SIN3A: variants seen among roughly 807,000 people sequenced by gnomAD.
SIN3A encodes the protein paired amphipathic helix protein Sin3a.
SIN3A carries 14 observed loss-of-function variants against 146.1 expected under a neutral mutation model. The ratio of observed to expected loss-of-function variants is 0.10; its 90% CI spans 0.06 to 0.15. The LOEUF is 0.15. Ranked by LOEUF, SIN3A falls within the 10% of genes least tolerant of loss-of-function variation. The pLI is 1.00. For missense variants in SIN3A, 1,028 were observed against 1,576.0 expected, an observed-to-expected ratio of 0.65 and a Z score of 5.89; for synonymous variants, 572 against 572.0, an observed-to-expected ratio of 1.00 and a Z score of 0.00.
In SIN3A at chr15:75,430,343, C is replaced by T. The variant is rs746013741; in HGVS notation, c.33G>A (p.Pro11=). ...TCCGACGCTGCTGGGCTGCATACAC[C>T]GGTGACTCCTGGTCATCCAAACGCC... MKRRLDDQES[P]VYAAQQRRIP... The change falls in exon 2 of 21, where the codon CCG becomes CCA. Residue 11 remains proline (P), a synonymous_variant. Transcript: ENST00000394947. 63 of 1,613,542 alleles carry T rather than the reference C, an allele frequency of 3.9e-5. No homozygotes were observed. Among genetic ancestry groups the T allele is most frequent in the South Asian group, 5.5e-5 (5 of 91,046 alleles).
chr15:75,381,750 G>T, intron 17 of SIN3A, 45 bp from the exon 18 acceptor site: 1 of 1,456,334 alleles, frequency 6.9e-7, no homozygotes, highest in Non-Finnish European at 9.6e-7. Flanking sequence ...CGTCTCTGTA[G>T]CTGTAATCTA....
At chr15:75,452,959 A>C (rs1397168641), upstream of SIN3A, 4 of 152,232 alleles carry the variant, frequency 2.6e-5, no homozygotes, top group African/African-American at 4.8e-5. Flanking sequence ...AGTGAGACAA[A>C]GTGCTTTCAA....
At chr15:75,447,477 TAG>T (rs1436953164) in intron 1 of SIN3A, among the ~76,000 whole-genome samples, 2 of 152,290 alleles carry the variant, frequency 1.3e-5, no homozygotes, top group East Asian at 1.9e-4. Flanking sequence ...AGATCCCCGT[TAG>T]AGTCATCAGC....
At chr15:75,430,514 C>T in intron 1 of SIN3A, 106 bp from the exon 2 acceptor site, 1 of 769,418 alleles carries the variant, frequency 1.3e-6, no homozygotes, top group Non-Finnish European at 2.0e-6. Flanking sequence ...ACTCCCAGAA[C>T]TGATCATCTA....
chr15:75,451,991 G>A (rs1047761884), upstream of SIN3A, among the ~76,000 whole-genome samples: 1 of 152,066 alleles, frequency 6.6e-6, no homozygotes, highest in Non-Finnish European at 1.5e-5. Flanking sequence ...CTGTCTCATT[G>A]GAGGACACCA....
intron 1 of SIN3A, among the ~76,000 whole-genome samples, chr15:75,451,063 C>G (rs948629878): frequency 6.6e-6 from 1 of 150,852 alleles, no homozygotes; most frequent in African/African-American, 2.4e-5. Context: ...CGGCCGCCAG[C>G]CCGAGGCCCC....
chr15:75,408,427 A>G (rs1414388356), intron 8 of SIN3A, among the ~76,000 whole-genome samples: 7 of 152,254 alleles, frequency 4.6e-5, no homozygotes, highest in Non-Finnish European at 1.0e-4. Context: ...GTCAATCACT[A>G]TTCATCAGCC....
intron 1 of SIN3A, among the ~76,000 whole-genome samples, chr15:75,445,750 C>CAAAAAAAAGAAAAAAAAAAAAAA: frequency 2.5e-5 from 1 of 40,008 alleles, no homozygotes; most frequent in East Asian, 6.8e-4. Flanking sequence ...GACCTTGTCT[C>CAAAAAAAAGAAAAAAAAAAAAAA]AAAAAAAAGA....
chr15:75,379,035 G>T (rs1158678620), intron 19 of SIN3A, among the ~76,000 whole-genome samples: 1 of 151,894 alleles, frequency 6.6e-6, no homozygotes, highest in Non-Finnish European at 1.5e-5. Flanking sequence ...GAGTAGCTTG[G>T]ACTACAGGCG....
chr15:75,380,620 C>G lies in SIN3A; in HGVS notation c.3383+9G>C. ...TATGGACTGCTGACAGATGACATGG[C>G]TCACTCACCTGGGGAGAAATACTGG... On this transcript the variant is annotated intron_variant, in intron 19 of 20. Transcript: ENST00000394947. The G allele has an allele frequency of 1.2e-6, 2 of 1,600,768 alleles. No individual in the cohort carries two copies. The highest frequency in any genetic ancestry group is 8.6e-7 in the Non-Finnish European group (1 of 1,167,880).
chr15:75,449,972 G>A (rs765888451), intron 1 of SIN3A, among the ~76,000 whole-genome samples: 1 of 151,980 alleles, frequency 6.6e-6, no homozygotes, highest in Non-Finnish European at 1.5e-5. Flanking sequence ...TAGAAACAGG[G>A]TTTCGCCATG....
At position 75,394,761 on chromosome 15, in the gene SIN3A, C is replaced by A; in HGVS notation, c.2196G>T (p.Gln732His). The A allele has an allele frequency of 6.2e-7, 1 of 1,614,112 alleles. No homozygotes were observed. The highest frequency in any genetic ancestry group is 1.1e-5 in the South Asian group (1 of 91,080). The change falls in exon 14 of 21, where the codon CAG (glutamine) becomes CAT (histidine). Residue 732 changes from glutamine (Q) to histidine (H), a missense_variant. Physicochemically the swap from Gln to His is conservative, Grantham distance 24 (BLOSUM62 0). Coordinates refer to ENST00000394947, the MANE Select transcript of SIN3A (RefSeq NM_001145358.2). Reference sequence around the variant, plus strand: ...TGTCATTCTGTTTAAAGTTGATCCCCTGGTGGTCCAGAGACTTCAAGTAGT... The same window carrying A: ...TGTCATTCTGTTTAAAGTTGATCCCATGGTGGTCCAGAGACTTCAAGTAGT... ...EKYYLKSLDH[Q>H]GINFKQNDTK...
chr15:75,403,234 C>T (rs1406095671), intron 9 of SIN3A, among the ~76,000 whole-genome samples: 7 of 151,486 alleles, frequency 4.6e-5, no homozygotes, highest in Admixed American at 4.6e-4. Context: ...ACCAGCCTGG[C>T]CAACATAGTG....
chr15:75,434,378 G>A (rs994100246), intron 1 of SIN3A, among the ~76,000 whole-genome samples: 2 of 152,242 alleles, frequency 1.3e-5, no homozygotes, highest in South Asian at 4.1e-4. Context: ...GGCCGGGCGC[G>A]GTGGCTCATG....
Position 75,381,721 on chromosome 15 carries a change from C to A in SIN3A, c.3196-16G>T, listed in dbSNP as rs1376962527. 2 of 1,599,696 alleles carry A rather than the reference C, an allele frequency of 1.3e-6. No individual in the cohort carries two copies. Among genetic ancestry groups the A allele is most frequent in the South Asian group, 2.2e-5 (2 of 90,682 alleles). ...TAAACATAAGCTGCAAATAAGAAAC[C>A]TAAGCGTAAACAAAAGACCGTCTCT... is the stretch of plus-strand genomic sequence containing the variant. On this transcript the variant is annotated splice_polypyrimidine_tract_variant and intron_variant, in intron 17 of 20. Transcript: ENST00000394947.
chr15:75,405,673 C>T (rs1257431616), intron 9 of SIN3A, among the ~76,000 whole-genome samples: 2 of 152,088 alleles, frequency 1.3e-5, no homozygotes, highest in Non-Finnish European at 2.9e-5. Context: ...ATCGCTTGAG[C>T]CAGGGAGGCG....
chr15:75,386,165 A>G (rs561172979), intron 16 of SIN3A, among the ~76,000 whole-genome samples: 1 of 152,324 alleles, frequency 6.6e-6, no homozygotes, highest in East Asian at 1.9e-4. Context: ...AGCTGGGTCT[A>G]CAGGCATGTG....
chr15:75,415,791 C>T (rs2073723649), intron 3 of SIN3A: 1 of 149,648 alleles, frequency 6.7e-6, no homozygotes, highest in Non-Finnish European at 1.4e-5. Context: ...GCGGAGGTTG[C>T]GGTGAGTCGA....
intron 3 of SIN3A, chr15:75,415,786 G>A (rs1383319283): frequency 6.1e-6 from 1 of 163,618 alleles, no homozygotes; most frequent in Non-Finnish European, 1.3e-5. Context: ...AGGAGGCGGA[G>A]GTTGCGGTGA....
Sources: gnomAD v4.1 joint callset for allele counts (sites outside exome capture counted in the v4.1 genomes callset) on GRCh38, gnomAD v4.1.1 for gene constraint, MANE v1.5 for transcripts, NCBI Gene and HGNC (gene_info 2026-07-23, HGNC 2026-07-21) for gene names.